NUBPL: variants seen among roughly 807,000 people sequenced by gnomAD.
NUBPL encodes NUBP iron-sulfur cluster assembly factor, mitochondrial.
In NUBPL, 31 loss-of-function variants were observed where a neutral mutation model predicts 45.7. The ratio of observed to expected loss-of-function variants is 0.68; its 90% CI spans 0.51 to 0.92. NUBPL has a LOEUF of 0.92. NUBPL is among the 40% of genes least tolerant of loss of function. NUBPL has a pLI of 0.00. For synonymous variants in NUBPL, 144 were observed against 140.9 expected, an observed-to-expected ratio of 1.02 and a Z score of -0.15; for missense variants, 401 against 398.7, an observed-to-expected ratio of 1.01 and a Z score of -0.05.
At chr14:31,645,661 G>A (rs1454086214) in intron 4 of NUBPL, among the ~76,000 whole-genome samples, 1 of 151,776 alleles carries the variant, frequency 6.6e-6, no homozygotes, top group Admixed American at 6.6e-5. Flanking sequence ...TGGTTAGTAT[G>A]AGACTTGCAA....
At chr14:31,654,223 TG>T in intron 4 of NUBPL, 1 of 322,452 alleles carries the variant, frequency 3.1e-6, no homozygotes, top group South Asian at 2.5e-5. Context: ...AATAGCATTA[TG>T]TCTAAAAATA....
intron 6 of NUBPL, among the ~76,000 whole-genome samples, chr14:31,759,839 A>G (rs2038759549): frequency 1.3e-5 from 2 of 151,266 alleles, no homozygotes; most frequent in African/African-American, 4.9e-5. Flanking sequence ...TTTATTATAT[A>G]ATAGGATTTG....
intron 2 of NUBPL, among the ~76,000 whole-genome samples, chr14:31,563,470 A>G (rs1217236515): frequency 6.6e-6 from 1 of 152,170 alleles, no homozygotes; most frequent in East Asian, 1.9e-4. Flanking sequence ...TCCCTTTCTC[A>G]CTTTTTTTCT....
chr14:31,600,999 A>G (rs2034418175), intron 4 of NUBPL, among the ~76,000 whole-genome samples: 1 of 152,052 alleles, frequency 6.6e-6, no homozygotes, highest in African/African-American at 2.4e-5. Flanking sequence ...AGCACCATTT[A>G]TTAAATAGGG....
intron 6 of NUBPL, among the ~76,000 whole-genome samples, chr14:31,744,977 T>C (rs1367925580): frequency 6.6e-6 from 1 of 152,190 alleles, no homozygotes; most frequent in Non-Finnish European, 1.5e-5. Context: ...ATCACTCTTT[T>C]AACCCTTTGT....
intron 3 of NUBPL, among the ~76,000 whole-genome samples, chr14:31,582,651 T>C (rs2033895172): frequency 6.6e-6 from 1 of 152,050 alleles, no homozygotes. Context: ...TTAATGAGAG[T>C]TGCTTAGCTT....
chr14:31,635,168 C>T (rs1368866530), intron 4 of NUBPL, among the ~76,000 whole-genome samples: 5 of 150,824 alleles, frequency 3.3e-5, no homozygotes, highest in Non-Finnish European at 1.5e-5. Context: ...CTTGCCCATG[C>T]CTGTGTCCTG....
chr14:31,787,780 G>A lies in NUBPL; in HGVS notation c.514G>A (p.Val172Ile), dbSNP rs1455635269. The A allele has an allele frequency of 6.3e-7, 1 of 1,598,744 alleles. No homozygotes were observed. The highest frequency in any genetic ancestry group is 8.6e-7 in the Non-Finnish European group (1 of 1,166,286). ...MSAIEKLLRQVDWGQLDYLVV... is the reference protein window; with the variant it reads ...MSAIEKLLRQIDWGQLDYLVV... ...GATATAATCTATGTCATCTTTTTAG[G>A]TAGATTGGGGTCAACTGGACTACTT... is the stretch of plus-strand genomic sequence containing the variant. Residue 172 changes from valine to isoleucine, a missense_variant and splice_region_variant, in exon 7 of 11, where the codon GTA becomes ATA. Physicochemically the swap from Val to Ile is conservative, Grantham distance 29. Coordinates refer to ENST00000281081, the MANE Select transcript of NUBPL (RefSeq NM_025152.3).
intron 7 of NUBPL, among the ~76,000 whole-genome samples, chr14:31,818,558 T>C (rs2039963504): frequency 6.6e-6 from 1 of 151,838 alleles, no homozygotes; most frequent in Non-Finnish European, 1.5e-5. Flanking sequence ...TTTCTTTTTT[T>C]CTTTTTGAGT....
chr14:31,659,559 C>G (rs1425454227), intron 4 of NUBPL, among the ~76,000 whole-genome samples: 1 of 152,168 alleles, frequency 6.6e-6, no homozygotes, highest in Admixed American at 6.6e-5. Context: ...CTTCCTTTTA[C>G]TACATCCTGT....
intron 6 of NUBPL, among the ~76,000 whole-genome samples, chr14:31,732,569 T>A (rs1357577583): frequency 6.6e-6 from 1 of 151,760 alleles, no homozygotes; most frequent in Admixed American, 6.6e-5. Context: ...CATGGGTAGA[T>A]TGTTTTTAAC....
chr14:31,622,474 G>A (rs1436852738), intron 4 of NUBPL, among the ~76,000 whole-genome samples: 2 of 151,872 alleles, frequency 1.3e-5, no homozygotes, highest in Non-Finnish European at 2.9e-5. Context: ...GAGAATTTCA[G>A]GGATCTTCAT....
rs2040674306 is a variant in NUBPL at position 31,859,239 on chromosome 14, A to G, written c.*59A>G. On this transcript the variant is annotated 3_prime_UTR_variant, in exon 11 of 11. Coordinates refer to ENST00000281081, the MANE Select transcript of NUBPL (RefSeq NM_025152.3). ...GACATTAAGAGGACCTTTGGAAATCAGCAATGTGGTGATGGAACCTACAGA... is the reference window on the plus strand; with the variant it reads ...GACATTAAGAGGACCTTTGGAAATCGGCAATGTGGTGATGGAACCTACAGA... 2.3e-6 allele frequency: 3 copies of G among 1,276,842 alleles called. No individual in the cohort carries two copies. The highest frequency in any genetic ancestry group is 3.4e-6 in the Non-Finnish European group (3 of 873,218). The allele number at this position is 1,276,842 out of a possible 1,614,324, so 79.1% of individuals were successfully genotyped here.
chr14:31,692,300 T>G (rs1000045706), intron 6 of NUBPL, among the ~76,000 whole-genome samples: 1 of 152,220 alleles, frequency 6.6e-6, no homozygotes, highest in Non-Finnish European at 1.5e-5. Context: ...ATTGTGCTCC[T>G]GAACATAGAT....
At chr14:31,787,647 C>T (rs2138818609) in intron 6 of NUBPL, 133 bp from the exon 7 acceptor site, 2 of 672,262 alleles carry the variant, frequency 3.0e-6, no homozygotes, top group East Asian at 2.8e-5. Flanking sequence ...GGACTCAGCA[C>T]AGTGCCTTGT....
At chr14:31,846,197 A>C in intron 8 of NUBPL, 1 of 397,222 alleles carries the variant, frequency 2.5e-6, no homozygotes, top group Non-Finnish European at 4.7e-6. Flanking sequence ...GTCTATGGGA[A>C]ACTCAAAGAT....
At chr14:31,816,094 A>C (rs2039909993) in intron 7 of NUBPL, among the ~76,000 whole-genome samples, 1 of 152,202 alleles carries the variant, frequency 6.6e-6, no homozygotes, top group Non-Finnish European at 1.5e-5. Context: ...TGTTTGGAAT[A>C]ATTTCAGAAG....
chr14:31,770,399 C>A (rs1291655078), intron 6 of NUBPL, among the ~76,000 whole-genome samples: 1 of 152,122 alleles, frequency 6.6e-6, no homozygotes, highest in Non-Finnish European at 1.5e-5. Context: ...GAGTCTACTT[C>A]TGGGTGGGGA....
intron 4 of NUBPL, among the ~76,000 whole-genome samples, chr14:31,632,191 A>G (rs1242270209): frequency 2.6e-5 from 4 of 151,138 alleles, no homozygotes; most frequent in African/African-American, 4.9e-5. Context: ...GGAAACAACA[A>G]CAGATAGGAT....
Sources: gnomAD v4.1 joint callset for allele counts (sites outside exome capture counted in the v4.1 genomes callset) on GRCh38, gnomAD v4.1.1 for gene constraint, MANE v1.5 for transcripts, NCBI Gene and HGNC (gene_info 2026-07-23, HGNC 2026-07-21) for gene names.